Variants in GALNT13 observed in about 807,000 individuals in gnomAD.
GALNT13 encodes the protein polypeptide N-acetylgalactosaminyltransferase 13, also known as UDP-GalNAc:polypeptide N-acetylgalactosaminyltransferase 13.
GALNT13 carries 28 observed loss-of-function variants against 64.2 expected under a neutral mutation model. That is an observed-to-expected ratio of 0.44 (90% CI 0.32 to 0.60). The LOEUF is 0.60. Among genes scored for constraint, GALNT13 ranks in the 20% least tolerant of loss-of-function variants. The probability of loss-of-function intolerance (pLI) is 0.05; values close to 1 mark genes in which losing one functional copy is unlikely to be tolerated. For synonymous variants in GALNT13, 214 were observed against 224.6 expected, an observed-to-expected ratio of 0.95 and a Z score of 0.42; for missense variants, 577 against 669.8, an observed-to-expected ratio of 0.86 and a Z score of 1.53.
rs1269776462 is a variant in GALNT13 at position 154,321,476 on chromosome 2, GA to G, written c.1156+19895del. On this transcript the variant is annotated intron_variant, in intron 9 of 12. Transcript: ENST00000392825. ...TTGTCTGTAAATTAAGACTTTAACA[GA>G]AAAAAAATTTAACTTTTTTGATCAA... Among the ~76,000 whole-genome samples the G allele has an allele frequency of 2.6e-5, 4 of 151,706 alleles. No individual in the cohort carries two copies. The South Asian group carries it at 8.3e-4, about 32-fold the overall frequency.
chr2:153,627,924 C>T, the GALNT13 span, among the ~76,000 whole-genome samples: 10 of 152,028 alleles, frequency 6.6e-5, no homozygotes, highest in East Asian at 1.9e-4. Flanking sequence ...GGCATTGAAT[C>T]GGTAAATTAC....
chr2:153,406,041 T>A, the GALNT13 span, among the ~76,000 whole-genome samples: 1 of 152,170 alleles, frequency 6.6e-6, no homozygotes, highest in Non-Finnish European at 1.5e-5. Context: ...AAGAGAAAGT[T>A]GCTAAAGACA....
At chr2:153,083,918 G>T in the GALNT13 span, among the ~76,000 whole-genome samples, 1 of 152,190 alleles carries the variant, frequency 6.6e-6, no homozygotes, top group African/African-American at 2.4e-5. Context: ...TTTGCATAAG[G>T]TGAGAGATGA....
intron 4 of GALNT13, among the ~76,000 whole-genome samples, chr2:154,219,385 G>T (rs1688209910): frequency 6.6e-6 from 1 of 151,932 alleles, no homozygotes; most frequent in Admixed American, 6.6e-5. Flanking sequence ...TTGAATTCAG[G>T]CAAATCTGGT....
the GALNT13 span, among the ~76,000 whole-genome samples, chr2:153,552,161 G>A: frequency 6.6e-6 from 1 of 152,178 alleles, no homozygotes; most frequent in Admixed American, 6.5e-5. Flanking sequence ...ACACTGAAAA[G>A]AGAAGTTTCA....
At chr2:153,508,408 GTGGT>G in the GALNT13 span, among the ~76,000 whole-genome samples, 1 of 152,178 alleles carries the variant, frequency 6.6e-6, no homozygotes, top group Non-Finnish European at 1.5e-5. Flanking sequence ...GGATGGTGGT[GTGGT>G]TGGTTCCTAG....
chr2:153,964,072 T>C lies in GALNT13; in HGVS notation c.142+19433T>C, dbSNP rs1021929239. Among the ~76,000 whole-genome samples, 3 of 152,100 alleles carry C rather than the reference T, an allele frequency of 2.0e-5. No individual in the cohort carries two copies. In the East Asian group the frequency reaches 5.8e-4, roughly 29 times the overall value. On this transcript the variant is annotated intron_variant, in intron 3 of 12. Coordinates refer to ENST00000392825, the MANE Select transcript of GALNT13 (RefSeq NM_052917.4). Reference sequence around the variant, plus strand: ...GTGAGGAGGGTTAAAGTTCCTTTTTTTTCCCCCCCAAAAGAAACCCTCCAT... The same window carrying C: ...GTGAGGAGGGTTAAAGTTCCTTTTTCTTCCCCCCCAAAAGAAACCCTCCAT...
At chr2:153,657,193 C>T in the GALNT13 span, among the ~76,000 whole-genome samples, 1 of 151,882 alleles carries the variant, frequency 6.6e-6, no homozygotes, top group Non-Finnish European at 1.5e-5. Flanking sequence ...TAGGACAATA[C>T]AAAGGAAAGA....
the GALNT13 span, among the ~76,000 whole-genome samples, chr2:153,535,187 A>G: frequency 6.6e-6 from 1 of 152,112 alleles, no homozygotes; most frequent in Non-Finnish European, 1.5e-5. Context: ...GCCGTATAGA[A>G]TGATTGGTGA....
At chr2:153,316,956 C>T in the GALNT13 span, among the ~76,000 whole-genome samples, 1 of 152,070 alleles carries the variant, frequency 6.6e-6, no homozygotes, top group Non-Finnish European at 1.5e-5. Context: ...TATAACTGCA[C>T]TCTGAAAATC....
chr2:153,787,173 C>A, the GALNT13 span, among the ~76,000 whole-genome samples: 1 of 152,112 alleles, frequency 6.6e-6, no homozygotes, highest in Non-Finnish European at 1.5e-5. Flanking sequence ...ATGTCCAGCA[C>A]TCAAATGGGA....
the GALNT13 span, among the ~76,000 whole-genome samples, chr2:153,648,716 G>A: frequency 2.6e-5 from 4 of 151,990 alleles, no homozygotes; most frequent in Non-Finnish European, 5.9e-5. Context: ...TGCATCTATT[G>A]AGATGATCAT....
At chr2:154,105,193 C>T (rs1702548819) in intron 3 of GALNT13, among the ~76,000 whole-genome samples, 1 of 151,694 alleles carries the variant, frequency 6.6e-6, no homozygotes, top group Non-Finnish European at 1.5e-5. Context: ...CCTCAGCTTT[C>T]CAGTAGGGCC....
At chr2:153,596,638 A>G in the GALNT13 span, among the ~76,000 whole-genome samples, 1 of 152,128 alleles carries the variant, frequency 6.6e-6, no homozygotes, top group Non-Finnish European at 1.5e-5. Context: ...TTTAATTAAA[A>G]TAACATGTTT....
At chr2:154,009,651 G>A (rs1574320630) in intron 3 of GALNT13, among the ~76,000 whole-genome samples, 1 of 151,836 alleles carries the variant, frequency 6.6e-6, no homozygotes, top group East Asian at 1.9e-4. Context: ...CACCATGACT[G>A]CCTAATTTTT....
At chr2:153,256,786 C>A in the GALNT13 span, among the ~76,000 whole-genome samples, 7 of 152,284 alleles carry the variant, frequency 4.6e-5, no homozygotes, top group East Asian at 1.9e-4. Flanking sequence ...TCAGGGACCC[C>A]CTTGAGGAGG....
At chr2:153,520,407 A>G in the GALNT13 span, among the ~76,000 whole-genome samples, 1 of 152,202 alleles carries the variant, frequency 6.6e-6, no homozygotes, top group Non-Finnish European at 1.5e-5. Flanking sequence ...GAACACAGAT[A>G]TCTTTTCAAG....
At chr2:153,393,212 CAATCGACT>C in the GALNT13 span, among the ~76,000 whole-genome samples, 56 of 151,952 alleles carry the variant, frequency 3.7e-4, no homozygotes, top group Non-Finnish European at 7.4e-4. Flanking sequence ...CTCATTAGAC[CAATCGACT>C]AATCTTAATT....
chr2:154,290,601 G>GTC (rs1692552280), intron 8 of GALNT13, among the ~76,000 whole-genome samples: 2 of 152,216 alleles, frequency 1.3e-5, no homozygotes, highest in Admixed American at 1.3e-4. Context: ...GAAAGCCTGA[G>GTC]ACCAAATTTG....
Sources: gnomAD v4.1 joint callset for allele counts (sites outside exome capture counted in the v4.1 genomes callset) on GRCh38, gnomAD v4.1.1 for gene constraint, MANE v1.5 for transcripts, NCBI Gene and HGNC (gene_info 2026-07-23, HGNC 2026-07-21) for gene names.